The following PLEKHG1 variants were observed in gnomAD, a reference collection of about 807,000 sequenced individuals.
The protein encoded by PLEKHG1 is pleckstrin homology and RhoGEF domain containing G1, also known as pleckstrin homology domain-containing family G member 1.
Under a neutral mutation model 100.8 loss-of-function variants are expected in PLEKHG1, and 44 were observed. The ratio of observed to expected loss-of-function variants is 0.44; its 90% CI spans 0.34 to 0.56. The LOEUF is 0.56. Ranked by LOEUF, PLEKHG1 falls within the 20% of genes least tolerant of loss-of-function variation. The pLI is 0.01. For missense variants in PLEKHG1, 1,545 were observed against 1,720.9 expected (o/e 0.90, Z 1.81); for synonymous variants, 640 against 662.5 (o/e 0.97, Z 0.52).
chr6:150,651,605 T>C (rs1302399946), intron 3 of PLEKHG1, among the ~76,000 whole-genome samples: 2 of 151,072 alleles, frequency 1.3e-5, no homozygotes, highest in Admixed American at 6.6e-5. Flanking sequence ...ACGCCCCTAA[T>C]CCCAGCACTT....
chr6:150,701,440 T>C lies in PLEKHG1; in HGVS notation c.-98-32144T>C, dbSNP rs1780775561. Among the ~76,000 whole-genome samples the C allele has an allele frequency of 4.2e-5, 3 of 70,804 alleles. No homozygotes were observed. In the South Asian group the frequency reaches 1.3e-3, roughly 31 times the overall value. 46.5% of individuals were successfully genotyped at this position (70,804 alleles called of 152,430 possible). ...CTTTATATATATATATATATATATA[T>C]ATATATATATATATATATATATATA... On this transcript the variant is annotated intron_variant, in intron 3 of 3. Coordinates refer to the PLEKHG1 transcript ENST00000367326.
chr6:150,808,605 TAGCC>T lies in PLEKHG1; in HGVS notation c.913-497_913-494del, dbSNP rs1188997515. ...TCTCGACTAAAAATGCAAAAAAATTTAGCCAGGCATGGTGATGGGCACCTGTAAT... is the reference window on the plus strand; with the variant it reads ...TCTCGACTAAAAATGCAAAAAAATTTAGGCATGGTGATGGGCACCTGTAAT... On this transcript the variant is annotated intron_variant, in intron 7 of 15. Coordinates refer to ENST00000358517, the Ensembl canonical transcript of PLEKHG1. 6.6e-5 allele frequency among the ~76,000 whole-genome samples: 10 copies of T among 152,242 alleles called. No individual in the cohort carries two copies. The East Asian group carries it at 1.4e-3, about 21-fold the overall frequency.
At chr6:150,809,590 G>A (rs1456717292) in intron 9 of PLEKHG1, 58 bp from the exon 11 acceptor site, 1 of 1,527,202 alleles carries the variant, frequency 6.5e-7, no homozygotes, top group Non-Finnish European at 9.1e-7. Flanking sequence ...CATCTCATCA[G>A]AGGGTCCTGT....
chr6:150,768,664 A>C (rs773864877), exon 3 of PLEKHG1: 2 of 1,612,718 alleles, frequency 1.2e-6, no homozygotes, highest in Non-Finnish European at 1.7e-6. Flanking sequence ...TCAGGGACCA[A>C]ACAAAACTTC....
At chr6:150,657,219 CTTCATTA>C (rs1186570704) in intron 3 of PLEKHG1, among the ~76,000 whole-genome samples, 1 of 152,062 alleles carries the variant, frequency 6.6e-6, no homozygotes, top group African/African-American at 2.4e-5. Context: ...TTATTGATAA[CTTCATTA>C]AAAGTGACCT....
At chr6:150,653,469 G>T (rs982609987) in intron 3 of PLEKHG1, among the ~76,000 whole-genome samples, 1 of 152,064 alleles carries the variant, frequency 6.6e-6, no homozygotes, top group Admixed American at 6.6e-5. Flanking sequence ...CAGGCTGGGC[G>T]CAGTGGCTCA....
rs115169709 is a variant in PLEKHG1 at position 150,699,610 on chromosome 6, T to C, written c.-98-33974T>C. ...GTGACATTGAGAACAAGCGATGTTC[T>C]ATGAGCCCTTAGTATGTGTCTGGCT... On this transcript the variant is annotated intron_variant, in intron 3 of 3. Transcript: ENST00000367326. Among the ~76,000 whole-genome samples, 1,453 of 152,326 alleles carry C rather than the reference T, an allele frequency of 9.5e-3. 23 individuals carry two copies. Among genetic ancestry groups the C allele is most frequent in the African/African-American group, 0.033 (1,360 of 41,576 alleles).
At chr6:150,694,428 G>A (rs908681448) in intron 3 of PLEKHG1, among the ~76,000 whole-genome samples, 6 of 151,660 alleles carry the variant, frequency 4.0e-5, no homozygotes, top group Admixed American at 1.3e-4. Context: ...GGCTGGGCAC[G>A]GCGGCTCACA....
rs117576732 is a variant in PLEKHG1, at chr6:150,803,418, C to G, written c.781-1192C>G. ...TTCAATTTAATAAGCACTTATTCAC[C>G]ACCCAGCTCTCTGCTGGGCACTGAG... On this transcript the variant is annotated intron_variant, in intron 6 of 15. Transcript: ENST00000358517. Among the ~76,000 whole-genome samples the G allele has an allele frequency of 9.3e-4, 141 of 152,272 alleles. 1 individual carries two copies. The East Asian group carries it at 0.022, about 24-fold the overall frequency.
intron 15 of PLEKHG1, among the ~76,000 whole-genome samples, chr6:150,838,205 A>G (rs1255876443): frequency 6.6e-6 from 1 of 152,202 alleles, no homozygotes; most frequent in African/African-American, 2.4e-5. Context: ...GAAGAAGAAA[A>G]CAGTGTTACC....
intron 14 of PLEKHG1, among the ~76,000 whole-genome samples, chr6:150,824,640 G>C (rs1251623518): frequency 1.3e-5 from 2 of 151,260 alleles, no homozygotes; most frequent in African/African-American, 4.9e-5. Context: ...TCCTGCCTCA[G>C]CCTCCCAAGT....
At chr6:150,822,666 G>T (rs908485150) in intron 13 of PLEKHG1, among the ~76,000 whole-genome samples, 1 of 152,184 alleles carries the variant, frequency 6.6e-6, no homozygotes, top group Non-Finnish European at 1.5e-5. Flanking sequence ...ATACAAAGTT[G>T]CATATTGAAT....
At chr6:150,809,821 A>G in intron 10 of PLEKHG1, 87 bp downstream of exon 11, 1 of 956,348 alleles carries the variant, frequency 1.0e-6, no homozygotes, top group Non-Finnish European at 1.6e-6. Flanking sequence ...GTGAGCCGAG[A>G]TCACATCATT....
At chr6:150,830,754 C>T in exon 15 of PLEKHG1, 1 of 1,614,146 alleles carries the variant, frequency 6.2e-7, no homozygotes, top group Non-Finnish European at 8.5e-7. Context: ...AGCCGACGGT[C>T]CCCGCAGGAG....
chr6:150,754,906 G>A (rs1426268378), intron 2 of PLEKHG1, among the ~76,000 whole-genome samples: 2 of 152,082 alleles, frequency 1.3e-5, no homozygotes, highest in Non-Finnish European at 2.9e-5. Flanking sequence ...CCGACCTCAG[G>A]TGATCCACCT....
Position 150,832,283 on chromosome 6 carries a change from G to A in PLEKHG1, c.3094+78G>A, listed in dbSNP as rs147175673. 307 of 1,186,866 alleles carry A rather than the reference G, an allele frequency of 2.6e-4. No homozygotes were observed. The East Asian group carries it at 6.7e-3, about 26-fold the overall frequency. 73.5% of individuals were successfully genotyped at this position (1,186,866 alleles called of 1,614,324 possible). Reference sequence around the variant, plus strand: ...TTCAGATTTCAGATGTCCTTAAAACGGACACACCTGTGAGAACACTGACAC... The same window carrying A: ...TTCAGATTTCAGATGTCCTTAAAACAGACACACCTGTGAGAACACTGACAC... On this transcript the variant is annotated intron_variant, in intron 15 of 15. Transcript: ENST00000358517.
At chr6:150,662,650 C>G (rs1779240166) in intron 3 of PLEKHG1, 1 of 152,162 alleles carries the variant, frequency 6.6e-6, no homozygotes, top group African/African-American at 2.4e-5. Context: ...TCCTGACCGC[C>G]CACCTCAGCC....
At chr6:150,805,311 T>C (rs9478826) in intron 7 of PLEKHG1, among the ~76,000 whole-genome samples, 15,243 of 152,234 alleles carry the variant, frequency 0.1, 1,074 homozygotes, top group East Asian at 0.21. Context: ...GCCTCCCACT[T>C]CTATTAATTG....
intron 3 of PLEKHG1, among the ~76,000 whole-genome samples, chr6:150,774,172 C>T (rs1302073861): frequency 6.6e-6 from 1 of 152,100 alleles, no homozygotes; most frequent in Non-Finnish European, 1.5e-5. Flanking sequence ...AGTTCTTCTA[C>T]CCTTTATTAT....
Sources: allele counts gnomAD v4.1 joint callset (sites outside exome capture counted in the v4.1 genomes callset), GRCh38; gene constraint gnomAD v4.1.1; transcripts MANE v1.5; gene names NCBI Gene and HGNC (gene_info 2026-07-23, HGNC 2026-07-21).